Variants in COX10 observed in about 807,000 individuals in gnomAD.
COX10 encodes the protein cytochrome c oxidase assembly factor heme A:farnesyltransferase COX10, also known as protoheme IX farnesyltransferase, mitochondrial.
COX10 carries 27 observed loss-of-function variants against 37.3 expected under a neutral mutation model. The observed-to-expected ratio is 0.72, with a 90% CI of 0.53 to 1.00. The LOEUF is 1.00. Ranked by LOEUF, COX10 falls within the 50% of genes least tolerant of loss-of-function variation. COX10 has a pLI of 0.00. For synonymous variants in COX10, 222 were observed against 229.1 expected, an observed-to-expected ratio of 0.97 and a Z score of 0.28; for missense variants, 475 against 563.2, an observed-to-expected ratio of 0.84 and a Z score of 1.59.
intron 5 of COX10, among the ~76,000 whole-genome samples, chr17:14,189,580 T>A (rs1208358355): frequency 2.6e-5 from 4 of 152,248 alleles, no homozygotes; most frequent in African/African-American, 9.6e-5. Context: ...CTTTTCAAAC[T>A]GATGTCTTAT....
At chr17:14,122,511 A>T (rs1287050346) in intron 4 of COX10, among the ~76,000 whole-genome samples, 1 of 152,164 alleles carries the variant, frequency 6.6e-6, no homozygotes, top group Non-Finnish European at 1.5e-5. Flanking sequence ...ATCATATATG[A>T]TTCTGGTGAG....
chr17:14,098,590 T>C (rs1915703110), intron 3 of COX10, among the ~76,000 whole-genome samples: 4 of 152,080 alleles, frequency 2.6e-5, no homozygotes, highest in Admixed American at 2.6e-4. Context: ...AAATGGAGCT[T>C]TGTTGTTTGC....
intron 3 of COX10, among the ~76,000 whole-genome samples, chr17:14,088,593 TG>T (rs1200240462): frequency 6.6e-6 from 1 of 152,166 alleles, no homozygotes; most frequent in Non-Finnish European, 1.5e-5. Flanking sequence ...AGATAAATTT[TG>T]TAAGAATGAT....
chr17:14,121,601 G>T (rs954613325), intron 4 of COX10, among the ~76,000 whole-genome samples: 4 of 152,146 alleles, frequency 2.6e-5, no homozygotes, highest in Admixed American at 2.6e-4. Flanking sequence ...AATGGAGACA[G>T]TAATAATAGT....
At chr17:14,119,525 T>C (rs1431975994) in intron 4 of COX10, among the ~76,000 whole-genome samples, 1 of 152,168 alleles carries the variant, frequency 6.6e-6, no homozygotes, top group Non-Finnish European at 1.5e-5. Flanking sequence ...ATAAACCTTA[T>C]TTAAAAATTA....
Position 14,207,493 on chromosome 17 carries a change from T to A in COX10, c.*280T>A. 2.4e-6 allele frequency: 1 copy of A among 420,290 alleles called. No homozygotes were observed. Among genetic ancestry groups the A allele is most frequent in the African/African-American group, 2.0e-5 (1 of 49,914 alleles). The allele number at this position is 420,290 out of a possible 1,614,324, so 26.0% of individuals were successfully genotyped here. On this transcript the variant is annotated 3_prime_UTR_variant, in exon 7 of 7. Transcript: ENST00000261643. ...CTCCAACCCCACCCTCTATTCTGTT[T>A]CTTCCTCCTCACATGGGGGTACACA...
At chr17:14,112,901 G>A (rs1344352856) in intron 4 of COX10, among the ~76,000 whole-genome samples, 1 of 152,134 alleles carries the variant, frequency 6.6e-6, no homozygotes, top group East Asian at 1.9e-4. Context: ...AGAAGCAGGA[G>A]GGCAGGCCGA....
chr17:14,168,406 G>A (rs1043958193), intron 5 of COX10, among the ~76,000 whole-genome samples: 1 of 152,162 alleles, frequency 6.6e-6, no homozygotes, highest in African/African-American at 2.4e-5. Context: ...CCATTCTGAG[G>A]TGTGGAGGAT....
intron 4 of COX10, among the ~76,000 whole-genome samples, chr17:14,159,088 C>T (rs1381149266): frequency 6.6e-6 from 1 of 152,094 alleles, no homozygotes; most frequent in East Asian, 1.9e-4. Flanking sequence ...GTTAGGATGA[C>T]CATACCAATC....
chr17:14,143,650 A>C (rs1412524994), intron 4 of COX10, among the ~76,000 whole-genome samples: 1 of 152,186 alleles, frequency 6.6e-6, no homozygotes, highest in African/African-American at 2.4e-5. Flanking sequence ...GTTCAAAAAC[A>C]AACTGTAATC....
At chr17:14,131,797 G>A (rs1397912502) in intron 4 of COX10, among the ~76,000 whole-genome samples, 4 of 151,960 alleles carry the variant, frequency 2.6e-5, no homozygotes, top group Non-Finnish European at 5.9e-5. Flanking sequence ...AAGAAAGAAC[G>A]TTGGGGTACT....
Position 14,175,998 on chromosome 17 carries a change from A to G in COX10, c.696-15991A>G, listed in dbSNP as rs1275065106. Among the ~76,000 whole-genome samples the G allele has an allele frequency of 6.6e-5, 10 of 152,162 alleles. No homozygotes were observed. The East Asian group carries it at 1.9e-3, about 29-fold the overall frequency. ...GGAGAAGCCAGAAATGAGTTGTACA[A>G]ATGGGGCTGGTGTGATCAGATTTAG... On this transcript the variant is annotated intron_variant, in intron 5 of 6. Coordinates refer to ENST00000261643, the MANE Select transcript of COX10 (RefSeq NM_001303.4).
chr17:14,179,674 T>G (rs1161575745), intron 5 of COX10, among the ~76,000 whole-genome samples: 2 of 152,164 alleles, frequency 1.3e-5, no homozygotes, highest in Non-Finnish European at 2.9e-5. Flanking sequence ...CCTTTCTTCT[T>G]GTTATTTCAG....
chr17:14,099,905 T>C (rs1409169734), intron 3 of COX10, among the ~76,000 whole-genome samples: 1 of 152,176 alleles, frequency 6.6e-6, no homozygotes, highest in African/African-American at 2.4e-5. Flanking sequence ...CTTTCCCTAA[T>C]GTCCTTACTT....
chr17:14,181,259 C>T (rs1905849732), intron 5 of COX10, among the ~76,000 whole-genome samples: 1 of 152,180 alleles, frequency 6.6e-6, no homozygotes, highest in Non-Finnish European at 1.5e-5. Context: ...GACACGTTCA[C>T]AGAATAGATC....
At chr17:14,168,213 A>G (rs1453120664) in intron 5 of COX10, among the ~76,000 whole-genome samples, 1 of 152,200 alleles carries the variant, frequency 6.6e-6, no homozygotes, top group Admixed American at 6.5e-5. Flanking sequence ...AAGCTCCAAA[A>G]TAATCTCTTT....
intron 4 of COX10, among the ~76,000 whole-genome samples, chr17:14,146,231 A>G (rs1264579304): frequency 3.3e-5 from 5 of 152,152 alleles, no homozygotes; most frequent in Admixed American, 6.6e-5. Flanking sequence ...CCAAAGAGCT[A>G]TAGTATACAA....
At chr17:14,137,564 A>T (rs1214261784) in intron 4 of COX10, among the ~76,000 whole-genome samples, 1 of 151,996 alleles carries the variant, frequency 6.6e-6, no homozygotes, top group Non-Finnish European at 1.5e-5. Context: ...TGCTGATCAG[A>T]GGTAGGAGAA....
intron 6 of COX10, among the ~76,000 whole-genome samples, chr17:14,206,163 T>C (rs1346588683): frequency 6.6e-6 from 1 of 151,970 alleles, no homozygotes; most frequent in Non-Finnish European, 1.5e-5. Flanking sequence ...AGAGCCAGGG[T>C]GTGACGCACC....
Sources: allele counts gnomAD v4.1 joint callset (sites outside exome capture counted in the v4.1 genomes callset), GRCh38; gene constraint gnomAD v4.1.1; transcripts MANE v1.5; gene names NCBI Gene and HGNC (gene_info 2026-07-23, HGNC 2026-07-21).